IP6K3: variants seen among roughly 807,000 people sequenced by gnomAD.
IP6K3 encodes the protein inositol hexakisphosphate kinase 3.
In IP6K3, 20 loss-of-function variants were observed where a neutral mutation model predicts 28.8. The observed-to-expected ratio is 0.70, with a 90% CI of 0.49 to 1.01. The LOEUF (loss-of-function observed/expected upper bound fraction) is 1.01, where lower values mean the gene tolerates loss of function less well. Ranked by LOEUF, IP6K3 falls within the 50% of genes least tolerant of loss-of-function variation. The pLI is 0.00. For synonymous variants in IP6K3, 213 were observed against 221.3 expected (o/e 0.96, Z 0.33); for missense variants, 480 against 537.1 (o/e 0.89, Z 1.05).
chr6:33,743,723 G>A (rs1028144714), intron 1 of IP6K3, among the ~76,000 whole-genome samples: 3 of 152,130 alleles, frequency 2.0e-5, no homozygotes, highest in East Asian at 1.9e-4. Flanking sequence ...TTTCCCAGCC[G>A]TGGCTGAAAT....
In IP6K3 at chr6:33,722,050, A is replaced by G. The variant is rs2127344393; in HGVS notation, c.*670T>C. 1 of 152,204 alleles carries G rather than the reference A, an allele frequency of 6.6e-6. No individual in the cohort carries two copies. The highest frequency in any genetic ancestry group is 1.5e-5 in the Non-Finnish European group (1 of 67,974). 9.4% of individuals were successfully genotyped at this position (152,204 alleles called of 1,614,324 possible). ...CTCATTTTAAGAGATTTTGGGGGAA[A>G]AAAAGGAAAAAAAAGCCTGTAAAGG... is the stretch of plus-strand genomic sequence containing the variant. On this transcript the variant is annotated 3_prime_UTR_variant, in exon 6 of 6. Coordinates refer to ENST00000293756, the MANE Select transcript of IP6K3 (RefSeq NM_054111.5).
At chr6:33,738,583 G>A (rs185820222) in intron 1 of IP6K3, among the ~76,000 whole-genome samples, 22 of 152,300 alleles carry the variant, frequency 1.4e-4, no homozygotes, top group South Asian at 4.1e-4. Context: ...TACCAGCCCC[G>A]TTTTACAGAT....
chr6:33,747,130 CGT>C (rs1011226067), upstream of IP6K3, among the ~76,000 whole-genome samples: 1 of 152,114 alleles, frequency 6.6e-6, no homozygotes, highest in African/African-American at 2.4e-5. The surrounding 1 kb of genome is among the most constrained non-coding windows in gnomAD (Gnocchi z 5.2). Context: ...CAGCTGCCCA[CGT>C]AGATGTCAGG....
chr6:33,734,211 A>G (rs1406286952), intron 2 of IP6K3, among the ~76,000 whole-genome samples: 1 of 151,090 alleles, frequency 6.6e-6, no homozygotes, highest in East Asian at 2.0e-4. Context: ...CTCAAAAAAA[A>G]AAAAAAAAAA....
Position 33,742,487 on chromosome 6 carries a change from T to A in IP6K3, c.-180+4271A>T, listed in dbSNP as rs1359550992. On this transcript the variant is annotated intron_variant, in intron 1 of 5. Transcript: ENST00000293756. The surrounding 1 kb of genome is among the most constrained non-coding windows in gnomAD (Gnocchi z 4.5). ...GGCAGCATGCTGCTGGTGGGCAGTG[T>A]CTAACGAAGTGCTTGGCAGCGTGGA... 6.6e-6 allele frequency among the ~76,000 whole-genome samples: 1 copy of A among 152,104 alleles called. No homozygotes were observed. Among genetic ancestry groups the A allele is most frequent in the African/African-American group, 2.4e-5 (1 of 41,406 alleles).
At position 33,721,851 on chromosome 6, in the gene IP6K3, C is replaced by T. The variant is rs185929237; in HGVS notation, c.*869G>A. The T allele has an allele frequency of 1.2e-3, 180 of 152,624 alleles. 2 individuals are homozygous for T. Among genetic ancestry groups the T allele is most frequent in the Non-Finnish European group, 2.1e-3 (144 of 67,996 alleles). 9.5% of individuals were successfully genotyped at this position (152,624 alleles called of 1,614,324 possible). A position where few individuals can be genotyped will look rare whatever the true frequency, so the allele number is the denominator to read the frequency against. ...TGTAAACATTGCCCCTGGTTTCCTC[C>T]GTCCTCCAGGTTCTTCTGACTCCCC... On this transcript the variant is annotated 3_prime_UTR_variant, in exon 6 of 6. Coordinates refer to ENST00000293756, the MANE Select transcript of IP6K3 (RefSeq NM_054111.5).
chr6:33,726,982 T>C, intron 3 of IP6K3, 76 bp from the exon 4 acceptor site: 2 of 1,422,880 alleles, frequency 1.4e-6, no homozygotes, highest in Non-Finnish European at 1.9e-6. Flanking sequence ...CTGACTGGGC[T>C]CTCTGAGATG....
intron 2 of IP6K3, among the ~76,000 whole-genome samples, chr6:33,729,485 T>TG (rs1417414447): frequency 1.3e-5 from 2 of 152,130 alleles, no homozygotes; most frequent in East Asian, 3.9e-4. Context: ...ATTTGCCCAG[T>TG]GGGGGGCACT....
intron 1 of IP6K3, among the ~76,000 whole-genome samples, chr6:33,741,942 A>G (rs1766740564): frequency 6.7e-6 from 1 of 149,018 alleles, no homozygotes; most frequent in Admixed American, 6.8e-5. Context: ...CAACAGCAAA[A>G]CTCCATCTCA....
At position 33,742,906 on chromosome 6, in the gene IP6K3, A is replaced by G. The variant is rs994524177; in HGVS notation, c.-180+3852T>C. 4.6e-5 allele frequency among the ~76,000 whole-genome samples: 7 copies of G among 151,520 alleles called. No homozygotes were observed. Among genetic ancestry groups the G allele is most frequent in the African/African-American group, 1.5e-4 (6 of 41,160 alleles). On this transcript the variant is annotated intron_variant, in intron 1 of 5. Coordinates refer to ENST00000293756, the MANE Select transcript of IP6K3 (RefSeq NM_054111.5). This position sits in a 1 kb window ranked among gnomAD's most constrained non-coding sequence, Gnocchi z 4.5. ...GGGAGATGTTGGCTCAGCCTTGGGG[A>G]GCTTGGGGAGGGCCTGCTTTGGGGA...
At chr6:33,727,389 G>T (rs1216047531) in intron 3 of IP6K3, among the ~76,000 whole-genome samples, 1 of 152,142 alleles carries the variant, frequency 6.6e-6, no homozygotes, top group African/African-American at 2.4e-5. Flanking sequence ...TGCCCTCTTG[G>T]CATCTTGGCG....
upstream of IP6K3, among the ~76,000 whole-genome samples, chr6:33,748,621 G>A (rs931725026): frequency 2.6e-5 from 3 of 117,496 alleles, no homozygotes; most frequent in Non-Finnish European, 1.6e-5. Context: ...CCAGCTGGGC[G>A]ACACAGAGAG....
chr6:33,748,168 G>A (rs1432579177), upstream of IP6K3, among the ~76,000 whole-genome samples: 2 of 152,176 alleles, frequency 1.3e-5, no homozygotes, highest in East Asian at 3.9e-4. Context: ...CTCCACTCGG[G>A]CCCAGGTTGC....
the IP6K3 span, among the ~76,000 whole-genome samples, chr6:33,756,449 G>A: frequency 2.6e-5 from 4 of 152,036 alleles, no homozygotes; most frequent in South Asian, 6.2e-4. Flanking sequence ...GGGGAGAGAG[G>A]TAGAGAAGAG....
rs545787 is a variant in IP6K3, at chr6:33,735,453, G to A, written c.24C>T (p.Asp8=). 554,487 of 1,609,844 alleles carry A rather than the reference G, an allele frequency of 0.34. 104,235 individuals carry two copies. Among genetic ancestry groups the A allele is most frequent in the African/African-American group, 0.66 (49,741 of 74,964 alleles). MVVQNSA[D]AGDMRAGVQL... The stretch of plus-strand genomic sequence containing the variant: ...GCACGCCTGCCCTCATGTCCCCGGC[G>A]TCTGCGCTGTTTTGCACAACCATGG... Residue 8 remains aspartate (D), a synonymous_variant, in exon 2 of 6, where the codon GAC becomes GAT. Transcript: ENST00000293756.
upstream of IP6K3, among the ~76,000 whole-genome samples, chr6:33,749,356 C>T (rs2127370141): frequency 6.6e-6 from 1 of 152,212 alleles, no homozygotes; most frequent in African/African-American, 2.4e-5. Flanking sequence ...TAAACACACA[C>T]AGGGCCCCAC....
Position 33,725,392 on chromosome 6 carries a change from G to T in IP6K3, c.765+49C>A, listed in dbSNP as rs998076586. On this transcript the variant is annotated intron_variant, in intron 5 of 5. Transcript: ENST00000293756. ...GGATGGGAGATATCCTTGCCCCACC[G>T]TGGACGTGCCGGGATGTCCCCCCCT... is the stretch of plus-strand genomic sequence containing the variant. 2.6e-6 allele frequency: 4 copies of T among 1,550,548 alleles called. No individual in the cohort carries two copies. In the African/African-American group the frequency reaches 5.4e-5, roughly 21 times the overall value.
At chr6:33,757,274 C>A in the IP6K3 span, among the ~76,000 whole-genome samples, 324 of 152,388 alleles carry the variant, frequency 2.1e-3, no homozygotes, top group Non-Finnish European at 3.4e-3. Flanking sequence ...CCTCTCTCCT[C>A]TTCTTGGCCT....
In IP6K3 at chr6:33,725,437, C is replaced by G; in HGVS notation, c.765+4G>C. On this transcript the variant is annotated splice_donor_region_variant and intron_variant, in intron 5 of 5. Coordinates refer to ENST00000293756, the MANE Select transcript of IP6K3 (RefSeq NM_054111.5). Reference sequence around the variant, plus strand: ...CCCCCTGTGGTGGGTCCCCTGCGACCTACCTGCATGCCGCAGATGCGCACA... The same window carrying G: ...CCCCCTGTGGTGGGTCCCCTGCGACGTACCTGCATGCCGCAGATGCGCACA... 6.2e-7 allele frequency: 1 copy of G among 1,606,520 alleles called. No homozygotes were observed. The highest frequency in any genetic ancestry group is 8.5e-7 in the Non-Finnish European group (1 of 1,178,456).
Sources: gnomAD v4.1 joint callset for allele counts (sites outside exome capture counted in the v4.1 genomes callset) on GRCh38, gnomAD v4.1.1 for gene constraint, Gnocchi (gnomAD v3.1) non-coding constraint, MANE v1.5 for transcripts, NCBI Gene and HGNC (gene_info 2026-07-23, HGNC 2026-07-21) for gene names.